The following PCGF3 variants were observed in gnomAD, a reference collection of about 807,000 sequenced individuals.
PCGF3 encodes the protein polycomb group ring finger 3, also known as polycomb group RING finger protein 3.
PCGF3 carries 7 observed loss-of-function variants against 33.1 expected under a neutral mutation model. That is an observed-to-expected ratio of 0.21 (90% CI 0.12 to 0.40). The LOEUF (loss-of-function observed/expected upper bound fraction) is 0.40, where lower values mean the gene tolerates loss of function less well. PCGF3 is among the 10% of genes least tolerant of loss of function. The pLI is 1.00. For synonymous variants in PCGF3, 153 were observed against 121.3 expected (o/e 1.26, Z -1.72); for missense variants, 211 against 313.3 (o/e 0.67, Z 2.46).
intron 4 of PCGF3, chr4:734,471 T>C: frequency 1.6e-6 from 2 of 1,245,926 alleles, no homozygotes; most frequent in Non-Finnish European, 2.0e-6. Context: ...ATTTGCCAAT[T>C]TGATAGAATT....
chr4:739,680 C>T (rs1246710808), intron 6 of PCGF3, among the ~76,000 whole-genome samples: 2 of 152,186 alleles, frequency 1.3e-5, no homozygotes, highest in Admixed American at 6.5e-5. Flanking sequence ...TGTGCTGAGC[C>T]GGGTGGCACT....
chr4:719,044 A>G lies in PCGF3; in HGVS notation c.-189-11586A>G, dbSNP rs148721651. ...ATCTTGGCTCATTGCAACCTCTGCT[A>G]TACAGGTTCAAGCATTTCTCCTGCC... On this transcript the variant is annotated intron_variant, in intron 1 of 10. Transcript: ENST00000362003. Among the ~76,000 whole-genome samples the G allele has an allele frequency of 6.9e-3, 1,053 of 151,868 alleles. 8 individuals are homozygous for G. The highest frequency in any genetic ancestry group is 0.01 in the Non-Finnish European group (704 of 67,964).
At chr4:752,710 C>G (rs1744579006) in intron 8 of PCGF3, among the ~76,000 whole-genome samples, 1 of 152,212 alleles carries the variant, frequency 6.6e-6, no homozygotes, top group African/African-American at 2.4e-5. Context: ...TGTGTGCAGC[C>G]TCCTCCGGTT....
chr4:718,836 G>T (rs1280732773), intron 1 of PCGF3, among the ~76,000 whole-genome samples: 1 of 152,240 alleles, frequency 6.6e-6, no homozygotes, highest in Non-Finnish European at 1.5e-5. Flanking sequence ...GTCAGTTCCT[G>T]CCTGGCCAGA....
chr4:768,081 A>G (rs978013485), exon 11 of PCGF3: 1 of 152,690 alleles, frequency 6.5e-6, no homozygotes, highest in Non-Finnish European at 1.5e-5. Flanking sequence ...CTTTGTAGCT[A>G]TCTTTGAAAT....
In PCGF3 at chr4:743,554, G is replaced by A. The variant is rs746055497; in HGVS notation, c.343G>A (p.Ala115Thr). The A allele has an allele frequency of 3.1e-6, 5 of 1,611,206 alleles. No homozygotes were observed. In the Admixed American group the frequency reaches 6.7e-5, roughly 21 times the overall value. Reference sequence around the variant, plus strand: ...AGACATCAAGGGGGAGACCTGCTCTGCAAAACAGCACTTAGATTCCCATCG... The same window carrying A: ...AGACATCAAGGGGGAGACCTGCTCTACAAAACAGCACTTAGATTCCCATCG... The change falls in exon 7 of 11, where the codon GCA (alanine) becomes ACA (threonine). Residue 115 changes from alanine (A) to threonine (T), a missense_variant. Ala to Thr is a moderately conservative substitution (Grantham distance 58). This residue lies in a region of PCGF3 where 95 missense variants were observed against 83.0 expected (regional missense o/e 1.14). Transcript: ENST00000362003.
intron 1 of PCGF3, among the ~76,000 whole-genome samples, chr4:716,641 A>T (rs1411260049): frequency 1.8e-4 from 21 of 117,348 alleles, no homozygotes; most frequent in Non-Finnish European, 3.1e-4. Flanking sequence ...GTAGACACTG[A>T]GTGTGAGAAC....
At chr4:749,025 A>G (rs1029431672) in intron 8 of PCGF3, among the ~76,000 whole-genome samples, 1 of 152,036 alleles carries the variant, frequency 6.6e-6, no homozygotes, top group African/African-American at 2.4e-5. Flanking sequence ...CTCCAGTTTA[A>G]TCTCTGTTTT....
intron 6 of PCGF3, among the ~76,000 whole-genome samples, chr4:739,297 C>A (rs1743983222): frequency 6.6e-6 from 1 of 152,148 alleles, no homozygotes; most frequent in Non-Finnish European, 1.5e-5. Context: ...ACCTCCCGGG[C>A]TCCAGTGATT....
At chr4:766,138 C>A in exon 11 of PCGF3, 1 of 1,450,852 alleles carries the variant, frequency 6.9e-7, no homozygotes, top group Non-Finnish European at 9.7e-7. Flanking sequence ...TCCCGGCCGC[C>A]GCGCTTAAGA....
intron 8 of PCGF3, among the ~76,000 whole-genome samples, chr4:760,291 C>G (rs1026547706): frequency 6.6e-6 from 1 of 152,134 alleles, no homozygotes; most frequent in African/African-American, 2.4e-5. Flanking sequence ...GGGCTCCCGT[C>G]TTCTCCCCTT....
exon 11 of PCGF3, chr4:767,591 T>TAA (rs1241800445): frequency 6.6e-6 from 1 of 151,304 alleles, no homozygotes; most frequent in Non-Finnish European, 1.5e-5. Context: ...TTCCTTTAGA[T>TAA]AAAAAGCAGC....
chr4:733,797 C>T lies in PCGF3; in HGVS notation c.109+8C>T, dbSNP rs765739059. 1.9e-6 allele frequency: 3 copies of T among 1,613,732 alleles called. No homozygotes were observed. The highest frequency in any genetic ancestry group is 1.1e-5 in the South Asian group (1 of 91,086). On this transcript the variant is annotated splice_region_variant and intron_variant, in intron 4 of 10. Coordinates refer to ENST00000362003, the Ensembl canonical transcript of PCGF3. The stretch of plus-strand genomic sequence containing the variant: ...CCGAGTGTCTGCACACCTGTACGTG[C>T]CCTGCCCGCGCCACCCAGGGAGGGC...
chr4:752,798 G>A (rs1744584589), intron 8 of PCGF3, among the ~76,000 whole-genome samples: 1 of 152,350 alleles, frequency 6.6e-6, no homozygotes, highest in South Asian at 2.1e-4. Context: ...ACCCCGCCAG[G>A]GCAACCCCAG....
chr4:711,527 G>A lies in PCGF3; in HGVS notation c.-190+5557G>A, dbSNP rs1186486359. ...CTGCGGACTGCAGTGGCGCAATCTCGGCTCACTGCAAGCTCCGCTTCCCGG... is the reference window on the plus strand; with the variant it reads ...CTGCGGACTGCAGTGGCGCAATCTCAGCTCACTGCAAGCTCCGCTTCCCGG... On this transcript the variant is annotated intron_variant, in intron 1 of 10. Coordinates refer to ENST00000362003, the Ensembl canonical transcript of PCGF3. Among the ~76,000 whole-genome samples the A allele has an allele frequency of 2.2e-5, 3 of 139,336 alleles. No individual in the cohort carries two copies. In the East Asian group the frequency reaches 6.3e-4, roughly 29 times the overall value. The allele number at this position is 139,336 out of a possible 152,430, so 91.4% of individuals were successfully genotyped here. A position where few individuals can be genotyped will look rare whatever the true frequency, so the allele number is the denominator to read the frequency against.
chr4:741,104 C>G (rs1401500043), intron 6 of PCGF3, among the ~76,000 whole-genome samples: 2 of 152,198 alleles, frequency 1.3e-5, no homozygotes, highest in South Asian at 4.1e-4. Flanking sequence ...AGCAAACAGC[C>G]GACGATGGAG....
At chr4:763,838 C>T (rs1289461243) in intron 9 of PCGF3, among the ~76,000 whole-genome samples, 2 of 152,210 alleles carry the variant, frequency 1.3e-5, no homozygotes, top group East Asian at 1.9e-4. Flanking sequence ...GAAAAATAAA[C>T]CGTGGTGCAT....
chr4:724,958 C>G (rs1436684700), intron 1 of PCGF3: 2 of 143,526 alleles, frequency 1.4e-5, no homozygotes, highest in East Asian at 4.1e-4. Flanking sequence ...AAGACTTTTT[C>G]TCAAAAAAAA....
chr4:710,140 C>T (rs10020614), intron 1 of PCGF3, among the ~76,000 whole-genome samples: 14,461 of 152,148 alleles, frequency 0.095, 812 homozygotes, highest in East Asian at 0.14. Flanking sequence ...ACCAACAGTC[C>T]GATGATAACT....
Sources: allele counts gnomAD v4.1 joint callset (sites outside exome capture counted in the v4.1 genomes callset), GRCh38; gene constraint gnomAD v4.1.1; regional missense constraint gnomAD v4.1.1; transcripts MANE v1.5; gene names NCBI Gene and HGNC (gene_info 2026-07-23, HGNC 2026-07-21).